Variants in CENPW observed in about 807,000 individuals in gnomAD.
The protein encoded by CENPW is centromere protein W.
CENPW carries 3 observed loss-of-function variants against 11.1 expected under a neutral mutation model. That is an observed-to-expected ratio of 0.27 (90% confidence interval 0.12 to 0.70). The LOEUF (loss-of-function observed/expected upper bound fraction) is 0.70, where lower values mean the gene tolerates loss of function less well. Ranked by LOEUF, CENPW falls within the 30% of genes least tolerant of loss-of-function variation. The pLI, the probability that CENPW is intolerant of heterozygous loss-of-function variation, is 0.77. For synonymous variants in CENPW, 38 were observed against 42.0 expected (o/e 0.91, Z 0.37); for missense variants, 100 against 105.6 (o/e 0.95, Z 0.23).
At chr6:126,410,464 G>A in the CENPW span, among the ~76,000 whole-genome samples, 7 of 151,904 alleles carry the variant, frequency 4.6e-5, no homozygotes, top group Non-Finnish European at 1.0e-4. Flanking sequence ...TGACTATTTT[G>A]TGCCTTTAAG....
the CENPW span, among the ~76,000 whole-genome samples, chr6:126,374,887 A>C: frequency 6.6e-6 from 1 of 152,160 alleles, no homozygotes; most frequent in Admixed American, 6.6e-5. Context: ...TTAGGCTGAA[A>C]CCTATGCTCA....
At chr6:126,477,617 A>G in the CENPW span, among the ~76,000 whole-genome samples, 1 of 152,034 alleles carries the variant, frequency 6.6e-6, no homozygotes, top group Non-Finnish European at 1.5e-5. Flanking sequence ...AATTTTGTGC[A>G]TGTAGGATTT....
At chr6:126,357,033 G>A in the CENPW span, among the ~76,000 whole-genome samples, 1 of 152,170 alleles carries the variant, frequency 6.6e-6, no homozygotes, top group African/African-American at 2.4e-5. Context: ...ATGTTGAGAA[G>A]GGTATTTCCT....
At chr6:126,437,531 A>G in the CENPW span, among the ~76,000 whole-genome samples, 3 of 151,914 alleles carry the variant, frequency 2.0e-5, no homozygotes, top group Admixed American at 2.0e-4. Context: ...ACAGCTTGAA[A>G]TTATAGTGTC....
the CENPW span, among the ~76,000 whole-genome samples, chr6:126,396,031 C>A: frequency 1.3e-5 from 2 of 152,094 alleles, no homozygotes; most frequent in Non-Finnish European, 2.9e-5. Context: ...AGTGTAACCA[C>A]TAACTGGCTA....
the CENPW span, among the ~76,000 whole-genome samples, chr6:126,464,291 T>C: frequency 5.3e-5 from 8 of 152,220 alleles, no homozygotes; most frequent in African/African-American, 1.9e-4. Flanking sequence ...ATGAAAACTC[T>C]CAGTAAAGTC....
chr6:126,359,544 A>G, the CENPW span, among the ~76,000 whole-genome samples: 2 of 151,696 alleles, frequency 1.3e-5, no homozygotes, highest in Admixed American at 6.6e-5. Flanking sequence ...CACTATTACT[A>G]TGTGTCTGTC....
chr6:126,463,023 G>C, the CENPW span, among the ~76,000 whole-genome samples: 1 of 152,046 alleles, frequency 6.6e-6, no homozygotes, highest in Non-Finnish European at 1.5e-5. Context: ...ACAAGTTTAG[G>C]AAATAGCATA....
At chr6:126,367,304 T>A in the CENPW span, among the ~76,000 whole-genome samples, 1 of 152,256 alleles carries the variant, frequency 6.6e-6, no homozygotes, top group South Asian at 2.1e-4. Context: ...TAGTATACAT[T>A]GTCTCCAATA....
chr6:126,356,768 T>C, the CENPW span, among the ~76,000 whole-genome samples: 1 of 152,196 alleles, frequency 6.6e-6, no homozygotes, highest in African/African-American at 2.4e-5. Context: ...TTTGCCCATT[T>C]TTTAATGGGG....
chr6:126,421,288 C>T, the CENPW span, among the ~76,000 whole-genome samples: 1 of 152,010 alleles, frequency 6.6e-6, no homozygotes, highest in East Asian at 1.9e-4. Flanking sequence ...CATATTATGC[C>T]ATTTTTCTAC....
the CENPW span, among the ~76,000 whole-genome samples, chr6:126,409,219 A>T: frequency 1.3e-5 from 2 of 152,136 alleles, no homozygotes; most frequent in African/African-American, 4.8e-5. Context: ...TTTAATTTCC[A>T]TATATTTGTA....
chr6:126,349,757 G>A (rs898550052), downstream of CENPW, among the ~76,000 whole-genome samples: 3 of 152,050 alleles, frequency 2.0e-5, no homozygotes, highest in African/African-American at 7.2e-5. Flanking sequence ...AAATAAAATC[G>A]CTGTGAAGGG....
the CENPW span, among the ~76,000 whole-genome samples, chr6:126,369,260 A>G: frequency 1.3e-5 from 2 of 152,142 alleles, no homozygotes; most frequent in Admixed American, 6.5e-5. Flanking sequence ...GTTTGCAAAT[A>G]TCTTTTTCAT....
chr6:126,431,605 T>C, the CENPW span, among the ~76,000 whole-genome samples: 1 of 152,226 alleles, frequency 6.6e-6, no homozygotes, highest in East Asian at 1.9e-4. Flanking sequence ...TATGAAATTC[T>C]AACACACTAC....
At chr6:126,357,870 G>A in the CENPW span, among the ~76,000 whole-genome samples, 4 of 152,196 alleles carry the variant, frequency 2.6e-5, no homozygotes, top group Admixed American at 2.6e-4. Context: ...GCCTCCCAAA[G>A]TGCTGGAATT....
the CENPW span, among the ~76,000 whole-genome samples, chr6:126,385,381 A>T: frequency 6.6e-6 from 1 of 152,182 alleles, no homozygotes; most frequent in Non-Finnish European, 1.5e-5. Flanking sequence ...AAAAGACTGG[A>T]TAAAGAAAAT....
the CENPW span, among the ~76,000 whole-genome samples, chr6:126,459,744 T>A: frequency 1.3e-5 from 2 of 151,624 alleles, no homozygotes; most frequent in African/African-American, 2.4e-5. Context: ...AAAATTAATT[T>A]AAAAAATCAG....
At chr6:126,473,720 ATCTCTCTCTCTC>A in the CENPW span, among the ~76,000 whole-genome samples, 1 of 142,586 alleles carries the variant, frequency 7.0e-6, no homozygotes, top group African/African-American at 2.6e-5. Context: ...ACGAGAGTGA[ATCTCTCTCTCTC>A]TCTCTCTCTC....
Sources: gnomAD v4.1 joint callset for allele counts (sites outside exome capture counted in the v4.1 genomes callset) on GRCh38, gnomAD v4.1.1 for gene constraint, MANE v1.5 for transcripts, NCBI Gene and HGNC (gene_info 2026-07-23, HGNC 2026-07-21) for gene names.